Variants in PAK3 observed in about 807,000 individuals in gnomAD.
PAK3 encodes the protein serine/threonine-protein kinase PAK 3.
PAK3 carries 4 observed loss-of-function variants against 41.0 expected under a neutral mutation model. The ratio of observed to expected loss-of-function variants is 0.10; its 90% CI spans 0.05 to 0.22. The LOEUF (loss-of-function observed/expected upper bound fraction) is 0.22. PAK3 is among the 10% of genes least tolerant of loss of function. The pLI is 1.00. For synonymous variants in PAK3, 146 were observed against 139.6 expected (o/e 1.05, Z -0.32); for missense variants, 205 against 409.9 (o/e 0.50, Z 4.32).
At chrX:111,175,418 ATATAT>A (rs1212108519) in intron 11 of PAK3, among the ~76,000 whole-genome samples, 1 of 112,179 alleles carries the variant, frequency 8.9e-6, no homozygotes, top group East Asian at 2.8e-4. Flanking sequence ...ATTAAAGAAA[ATATAT>A]TATGAAAATT....
At chrX:110,962,885 C>G (rs1418596343) in intron 1 of PAK3, among the ~76,000 whole-genome samples, 2 of 111,504 alleles carry the variant, frequency 1.8e-5, no homozygotes, top group Non-Finnish European at 3.8e-5. Flanking sequence ...GCTTCATAGG[C>G]CTTGTGTCCA....
intron 1 of PAK3, among the ~76,000 whole-genome samples, chrX:111,010,369 G>A (rs745822812): frequency 9.0e-6 from 1 of 111,248 alleles, no homozygotes; most frequent in Admixed American, 9.5e-5. Flanking sequence ...TCAAATCCTT[G>A]ACAAGCCACG....
At chrX:110,989,308 A>G (rs2091601322) in intron 1 of PAK3, among the ~76,000 whole-genome samples, 1 of 112,240 alleles carries the variant, frequency 8.9e-6, no homozygotes. Context: ...GATGGTACTT[A>G]TCATACAACT....
At position 111,026,590 on chromosome X, in the gene PAK3, T is replaced by C. The variant is rs574378292; in HGVS notation, c.-28+81962T>C. 3.6e-5 allele frequency among the ~76,000 whole-genome samples: 4 copies of C among 111,419 alleles called. No homozygotes were observed. In the South Asian group the frequency reaches 1.5e-3, roughly 42 times the overall value. On this transcript the variant is annotated intron_variant, in intron 1 of 14. Coordinates refer to the PAK3 transcript ENST00000425146. ...AATAAATAAATAAAATATTTAGGAA[T>C]ATACCTAACCAAGGAAGTGAAAGAC...
chrX:111,091,628 C>T (rs1255535442), upstream of PAK3, among the ~76,000 whole-genome samples: 1 of 112,039 alleles, frequency 8.9e-6, no homozygotes, highest in Non-Finnish European at 1.9e-5. Context: ...GACAAGACCT[C>T]TTGGCATCTC....
intron 1 of PAK3, among the ~76,000 whole-genome samples, chrX:111,052,292 G>A (rs1048250830): frequency 1.8e-5 from 2 of 112,621 alleles, no homozygotes; most frequent in African/African-American, 3.2e-5. Flanking sequence ...ACAGGAGAGT[G>A]AGTCTTTTAG....
intron 1 of PAK3, among the ~76,000 whole-genome samples, chrX:111,084,846 T>C (rs750324998): frequency 8.9e-6 from 1 of 112,194 alleles, no homozygotes; most frequent in East Asian, 2.8e-4. Flanking sequence ...TTCATTTTAG[T>C]GCCTTCCTTT....
chrX:111,166,600 C>T (rs2094258510), intron 10 of PAK3, among the ~76,000 whole-genome samples: 1 of 111,457 alleles, frequency 9.0e-6, no homozygotes, highest in African/African-American at 3.3e-5. Flanking sequence ...AAGCCTGGCC[C>T]ATTACTACAT....
intron 4 of PAK3, among the ~76,000 whole-genome samples, chrX:111,107,027 T>C (rs1333615499): frequency 8.9e-6 from 1 of 112,458 alleles, no homozygotes; most frequent in Non-Finnish European, 1.9e-5. Flanking sequence ...GTGTGTTTAT[T>C]TTCTGGAAGT....
At chrX:111,175,374 T>C (rs2094394261) in intron 11 of PAK3, among the ~76,000 whole-genome samples, 1 of 111,934 alleles carries the variant, frequency 8.9e-6, no homozygotes, top group Non-Finnish European at 1.9e-5. Flanking sequence ...ATATTTTTTA[T>C]TGATTACATG....
At position 111,225,369 on chromosome X, in the gene PAK3, G is replaced by A. The variant is rs780857690; in HGVS notation, c.*4922G>A. 2 of 112,082 alleles carry A rather than the reference G, an allele frequency of 1.8e-5. No individual in the cohort carries two copies. Among genetic ancestry groups the A allele is most frequent in the East Asian group, 2.8e-4 (1 of 3,565 alleles). The allele number at this position is 112,082 out of a possible 1,213,427, so 9.2% of individuals were successfully genotyped here. A position where few individuals can be genotyped will look rare whatever the true frequency, so the allele number is the denominator to read the frequency against. On this transcript the variant is annotated 3_prime_UTR_variant, in exon 18 of 18. Coordinates refer to ENST00000372007, the MANE Select transcript of PAK3 (RefSeq NM_002578.5). Reference sequence around the variant, plus strand: ...CCTCCATGTGCACACCTGTGTGTACGAGTATTCTATACAACTTGTAGCATT... The same window carrying A: ...CCTCCATGTGCACACCTGTGTGTACAAGTATTCTATACAACTTGTAGCATT...
intron 10 of PAK3, among the ~76,000 whole-genome samples, chrX:111,169,952 A>G (rs2094314641): frequency 9.0e-6 from 1 of 111,498 alleles, no homozygotes; most frequent in Non-Finnish European, 1.9e-5. Context: ...GGGAGCTATC[A>G]AGTAATCCTG....
At chrX:111,209,550 A>G (rs756249184) in intron 16 of PAK3, among the ~76,000 whole-genome samples, 82 of 111,904 alleles carry the variant, frequency 7.3e-4, no homozygotes, top group African/African-American at 2.6e-3. Flanking sequence ...CCCTGTCACC[A>G]TGTATCATAT....
intron 1 of PAK3, among the ~76,000 whole-genome samples, chrX:111,082,607 C>T (rs1234848474): frequency 9.0e-6 from 1 of 111,023 alleles, no homozygotes; most frequent in Non-Finnish European, 1.9e-5. Flanking sequence ...TGTGATGTTA[C>T]TTTGGAAGAA....
chrX:111,178,640 C>T (rs1363663007), intron 11 of PAK3, among the ~76,000 whole-genome samples: 2 of 110,284 alleles, frequency 1.8e-5, no homozygotes, highest in East Asian at 2.9e-4. Flanking sequence ...TTATATAGAA[C>T]AGAATATAAT....
intron 1 of PAK3, among the ~76,000 whole-genome samples, chrX:111,084,252 C>T (rs2092860338): frequency 8.9e-6 from 1 of 112,099 alleles, no homozygotes; most frequent in Non-Finnish European, 1.9e-5. Context: ...TATTAGCTAT[C>T]TTTGTAGGCA....
chrX:111,070,185 G>T (rs188674934), intron 1 of PAK3, among the ~76,000 whole-genome samples: 27 of 111,404 alleles, frequency 2.4e-4, no homozygotes, highest in African/African-American at 8.2e-4. Context: ...GGGTAGGGTA[G>T]TTGCACCAAC....
At chrX:111,213,696 T>C (rs2094845543) in intron 16 of PAK3, among the ~76,000 whole-genome samples, 1 of 111,690 alleles carries the variant, frequency 9.0e-6, no homozygotes, top group Non-Finnish European at 1.9e-5. Flanking sequence ...ACAGTGACTT[T>C]GGGGAAGTTG....
intron 1 of PAK3, among the ~76,000 whole-genome samples, chrX:111,080,314 A>C (rs1203708198): frequency 1.8e-5 from 2 of 111,702 alleles, no homozygotes; most frequent in Non-Finnish European, 3.8e-5. Context: ...TACAGCAACC[A>C]CCACCCTGAT....
Sources: gnomAD v4.1 joint callset for allele counts (sites outside exome capture counted in the v4.1 genomes callset) on GRCh38, gnomAD v4.1.1 for gene constraint, MANE v1.5 for transcripts, NCBI Gene and HGNC (gene_info 2026-07-23, HGNC 2026-07-21) for gene names.